The following TAFA2 variants were observed in gnomAD, a reference collection of about 807,000 sequenced individuals.
TAFA2 encodes chemokine-like protein TAFA-2.
A neutral mutation model predicts 18.8 loss-of-function variants in TAFA2; 7 were observed. That is an observed-to-expected ratio of 0.37 (90% CI 0.21 to 0.70). The LOEUF (loss-of-function observed/expected upper bound fraction) is 0.70, where lower values mean the gene tolerates loss of function less well. Ranked by LOEUF, TAFA2 falls within the 30% of genes least tolerant of loss-of-function variation. The probability of loss-of-function intolerance (pLI) is 0.53; values close to 1 mark genes in which losing one functional copy is unlikely to be tolerated. For missense variants in TAFA2, 122 were observed against 158.1 expected, an observed-to-expected ratio of 0.77 and a Z score of 1.23; for synonymous variants, 60 against 54.2, an observed-to-expected ratio of 1.11 and a Z score of -0.47.
At chr12:61,779,712 T>C (rs1870422869) in intron 2 of TAFA2, among the ~76,000 whole-genome samples, 1 of 151,808 alleles carries the variant, frequency 6.6e-6, no homozygotes, top group Non-Finnish European at 1.5e-5. Context: ...AATAAAGATT[T>C]TCTACTATGA....
rs117444160 is a variant in TAFA2 at position 62,042,099 on chromosome 12, G to A, written c.-2+149160C>T. ...ATCAGGATGGAAAGTCTCAAAGAAG[G>A]CCGCCTCCATTGTGGCAACTCCTTC... On this transcript the variant is annotated intron_variant, in intron 1 of 4. Coordinates refer to ENST00000416284, the MANE Select transcript of TAFA2 (RefSeq NM_178539.5). Among the ~76,000 whole-genome samples the A allele has an allele frequency of 6.3e-3, 951 of 152,012 alleles. 13 individuals carry two copies. Among genetic ancestry groups the A allele is most frequent in the Middle Eastern group, 0.024 (7 of 292 alleles).
intron 1 of TAFA2, among the ~76,000 whole-genome samples, chr12:61,928,743 T>C (rs964993897): frequency 6.6e-6 from 1 of 152,096 alleles, no homozygotes; most frequent in African/African-American, 2.4e-5. Flanking sequence ...CTATTTACAA[T>C]AGCAAAGACT....
chr12:61,977,205 T>C (rs1265399184), intron 1 of TAFA2, among the ~76,000 whole-genome samples: 3 of 152,052 alleles, frequency 2.0e-5, no homozygotes, highest in African/African-American at 7.2e-5. Context: ...TCAAGTATGC[T>C]TTTTGACCTA....
chr12:61,967,869 G>A (rs1879120225), intron 1 of TAFA2, among the ~76,000 whole-genome samples: 1 of 151,794 alleles, frequency 6.6e-6, no homozygotes, highest in Admixed American at 6.6e-5. Context: ...GAAGATTAGA[G>A]TTAGTCCAGA....
chr12:61,716,134 AAAG>A (rs1323987830), intron 4 of TAFA2, among the ~76,000 whole-genome samples: 1 of 152,188 alleles, frequency 6.6e-6, no homozygotes, highest in African/African-American at 2.4e-5. Flanking sequence ...AATGAGTGCT[AAAG>A]AAGTATTAAC....
chr12:62,214,198 T>C (rs1265639010), intron 1 of TAFA2, among the ~76,000 whole-genome samples: 1 of 152,200 alleles, frequency 6.6e-6, no homozygotes, highest in Non-Finnish European at 1.5e-5. Flanking sequence ...AACCCCAATA[T>C]GGTTTGGCTG....
chr12:62,133,974 A>C (rs1470511561), intron 1 of TAFA2, among the ~76,000 whole-genome samples: 3 of 151,792 alleles, frequency 2.0e-5, no homozygotes, highest in Non-Finnish European at 2.9e-5. Context: ...ACGATACTCT[A>C]CTCCTAGATT....
chr12:61,839,784 T>C (rs1424285399), intron 2 of TAFA2, among the ~76,000 whole-genome samples: 1 of 152,012 alleles, frequency 6.6e-6, no homozygotes, highest in Non-Finnish European at 1.5e-5. Context: ...GTTCACTACT[T>C]GGGCAAAGGG....
intron 1 of TAFA2, among the ~76,000 whole-genome samples, chr12:62,097,045 T>C (rs1309394332): frequency 1.3e-5 from 2 of 152,162 alleles, no homozygotes; most frequent in Non-Finnish European, 2.9e-5. Flanking sequence ...TAGTCAGCTG[T>C]TGCAGCTGTG....
chr12:61,889,950 T>C (rs978570182), intron 1 of TAFA2, among the ~76,000 whole-genome samples: 3 of 152,220 alleles, frequency 2.0e-5, no homozygotes, highest in Non-Finnish European at 4.4e-5. Flanking sequence ...CTAGGATAAA[T>C]CACTCCATTT....
In TAFA2 at chr12:62,220,612, A is replaced by G. The variant is rs751803947; in HGVS notation, c.-130+38151T>C. The stretch of plus-strand genomic sequence containing the variant: ...GACATTGAGTGATAATGACGCATCA[A>G]TGTAAGTTCATTGACTGTAACAAAT... On this transcript the variant is annotated intron_variant, in intron 1 of 5. Coordinates refer to the TAFA2 transcript ENST00000551619. 3.3e-5 allele frequency among the ~76,000 whole-genome samples: 5 copies of G among 152,232 alleles called. No homozygotes were observed. In the South Asian group the frequency reaches 6.2e-4, roughly 19 times the overall value.
At chr12:61,922,351 C>T (rs961722295) in intron 1 of TAFA2, among the ~76,000 whole-genome samples, 7 of 152,108 alleles carry the variant, frequency 4.6e-5, no homozygotes, top group Middle Eastern at 3.2e-3. Flanking sequence ...CAGCTCCCAG[C>T]GAGACCAACA....
rs150205079 is a variant in TAFA2, at chr12:62,121,052, C to T, written c.-2+70207G>A. On this transcript the variant is annotated intron_variant, in intron 1 of 4. Transcript: ENST00000416284. ...TATTTTTAGTAGAGACGGGGTTTCT[C>T]CATGTTGGTCAGGCTGGTCTCAAAC... Among the ~76,000 whole-genome samples the T allele has an allele frequency of 6.7e-3, 1,013 of 151,968 alleles. 15 individuals are homozygous for T. The highest frequency in any genetic ancestry group is 0.023 in the African/African-American group (955 of 41,452).
intron 4 of TAFA2, among the ~76,000 whole-genome samples, chr12:61,728,035 T>G (rs866058516): frequency 0.057 from 6,677 of 117,686 alleles, 495 homozygotes; most frequent in African/African-American, 0.18. Context: ...GAGGGTTGTT[T>G]TTTTTTTTTT....
intron 1 of TAFA2, among the ~76,000 whole-genome samples, chr12:62,161,273 A>G (rs2062405222): frequency 6.6e-6 from 1 of 152,232 alleles, no homozygotes; most frequent in Non-Finnish European, 1.5e-5. Context: ...TCACATCACT[A>G]TTCACATCGC....
chr12:61,905,138 GT>G (rs1305772719), intron 1 of TAFA2, among the ~76,000 whole-genome samples: 1 of 152,022 alleles, frequency 6.6e-6, no homozygotes, highest in African/African-American at 2.4e-5. Context: ...ATTCTATTTT[GT>G]AGAGAATTAC....
At chr12:62,156,110 C>A (rs898097696) in intron 1 of TAFA2, among the ~76,000 whole-genome samples, 7 of 152,104 alleles carry the variant, frequency 4.6e-5, no homozygotes, top group East Asian at 1.9e-4. Context: ...AAGAAAGAAA[C>A]AATCCCATCA....
intron 2 of TAFA2, among the ~76,000 whole-genome samples, chr12:61,760,257 A>G (rs1263620713): frequency 6.6e-6 from 1 of 150,884 alleles, no homozygotes; most frequent in Non-Finnish European, 1.5e-5. Context: ...TAGATGATAG[A>G]TACAGATAGC....
chr12:62,235,454 GCCT>G, intron 1 of TAFA2: 7 of 605,902 alleles, frequency 1.2e-5, no homozygotes, highest in Admixed American at 8.2e-5. Flanking sequence ...CTGGTGCGCC[GCCT>G]GCCACTGGCT....
Sources: allele counts gnomAD v4.1 joint callset (sites outside exome capture counted in the v4.1 genomes callset), GRCh38; gene constraint gnomAD v4.1.1; transcripts MANE v1.5; gene names NCBI Gene and HGNC (gene_info 2026-07-23, HGNC 2026-07-21).